ASIP: variants seen among roughly 807,000 people sequenced by gnomAD.
ASIP encodes agouti signaling protein, also known as agouti-signaling protein.
ASIP carries 11 observed loss-of-function variants against 10.3 expected under a neutral mutation model. The observed-to-expected ratio is 1.07, with a 90% CI of 0.68 to 1.78. The LOEUF is 1.78. Among genes scored for constraint, ASIP ranks in the 40% most tolerant of loss-of-function variants. The pLI is 0.00. For missense variants in ASIP, 180 were observed against 169.2 expected, an observed-to-expected ratio of 1.06 and a Z score of -0.35; for synonymous variants, 70 against 70.8, an observed-to-expected ratio of 0.99 and a Z score of 0.06.
At chr20:34,214,484 CT>C (rs2034994575) in intron 1 of ASIP, 2 of 1,508,494 alleles carry the variant, frequency 1.3e-6, no homozygotes, top group South Asian at 2.2e-5. Flanking sequence ...GAGATAGATA[CT>C]GGAAGAGCTT....
In ASIP at chr20:34,269,045, T is replaced by C; in HGVS notation, c.277T>C (p.Cys93Arg). Residue 93 changes from cysteine to arginine, a missense_variant, in exon 4 of 4, where the codon TGC becomes CGC. By Grantham distance (180) the Cys-to-Arg change is radical (BLOSUM62 -3). Coordinates refer to ENST00000374954, the MANE Select transcript of ASIP (RefSeq NM_001672.3). ...VRPRTPLSAP[C>R]VATRNSCKPP... ...GCCCCGGACCCCCCTATCTGCGCCC[T>C]GCGTGGCCACCCGCAACAGCTGCAA... 1 of 1,604,812 alleles carries C rather than the reference T, an allele frequency of 6.2e-7. No individual in the cohort carries two copies. Among genetic ancestry groups the C allele is most frequent in the Non-Finnish European group, 8.5e-7 (1 of 1,176,508 alleles).
intron 1 of ASIP, among the ~76,000 whole-genome samples, chr20:34,254,766 A>C (rs2035540683): frequency 6.6e-6 from 1 of 152,206 alleles, no homozygotes; most frequent in Non-Finnish European, 1.5e-5. Context: ...ATCTGACCCC[A>C]AGAATCCTAA....
rs2034991468 is a variant in ASIP, at chr20:34,214,034, C to T, written c.-11+19274C>T. 1.1e-5 allele frequency: 16 copies of T among 1,400,462 alleles called. No homozygotes were observed. The South Asian group carries it at 1.4e-4, about 13-fold the overall frequency. The allele number at this position is 1,400,462 out of a possible 1,614,324, so 86.8% of individuals were successfully genotyped here. On this transcript the variant is annotated intron_variant, in intron 1 of 3. Coordinates refer to the ASIP transcript ENST00000568305. Reference sequence around the variant, plus strand: ...TTCCTCATTAAGGCTTCTTTCCTTTCTGCCGGGTATTCATTATTAACAATC... The same window carrying T: ...TTCCTCATTAAGGCTTCTTTCCTTTTTGCCGGGTATTCATTATTAACAATC...
intron 1 of ASIP, among the ~76,000 whole-genome samples, chr20:34,243,539 T>C (rs1351431115): frequency 2.0e-5 from 3 of 152,118 alleles, no homozygotes; most frequent in East Asian, 3.9e-4. Flanking sequence ...TAGCTATGGA[T>C]TGAAACTGCA....
intron 1 of ASIP, among the ~76,000 whole-genome samples, chr20:34,249,337 TGA>T (rs1413236277): frequency 7.0e-6 from 1 of 143,014 alleles, no homozygotes; most frequent in Admixed American, 7.1e-5. Context: ...TCGCCTCCAC[TGA>T]GATATCCGAT....
chr20:34,268,861 T>TG, intron 3 of ASIP, 130 bp from the exon 4 acceptor site: 1 of 1,152,162 alleles, frequency 8.7e-7, no homozygotes, highest in Non-Finnish European at 1.2e-6. Flanking sequence ...GAGCGGGCGG[T>TG]GGGCGGTGGG....
upstream of ASIP, among the ~76,000 whole-genome samples, chr20:34,193,432 C>CTT (rs376572089): frequency 2.7e-5 from 4 of 146,696 alleles, no homozygotes; most frequent in Admixed American, 2.1e-4. Flanking sequence ...TTTCTTCCAT[C>CTT]TTTTTTTTTT....
chr20:34,244,091 C>T (rs141444706), intron 1 of ASIP, among the ~76,000 whole-genome samples: 2 of 152,072 alleles, frequency 1.3e-5, no homozygotes, highest in Non-Finnish European at 2.9e-5. Context: ...CAAAAAAACT[C>T]TCATTCAAGA....
intron 1 of ASIP, among the ~76,000 whole-genome samples, chr20:34,200,086 T>C (rs1441560930): frequency 6.6e-6 from 1 of 152,238 alleles, no homozygotes; most frequent in Non-Finnish European, 1.5e-5. Context: ...GCTTTTCTTT[T>C]AAGATTAGTG....
intron 2 of ASIP, among the ~76,000 whole-genome samples, chr20:34,260,845 CAAACTTCAGGA>C (rs957174262): frequency 3.3e-5 from 5 of 152,174 alleles, no homozygotes; most frequent in African/African-American, 1.2e-4. Flanking sequence ...TCAACAGTAA[CAAACTTCAGGA>C]AATGCTCCAG....
At chr20:34,192,078 G>A, upstream of ASIP, among the ~76,000 whole-genome samples, 1 of 151,036 alleles carries the variant, frequency 6.6e-6, no homozygotes, top group Non-Finnish European at 1.5e-5. Context: ...TTTCGCTCTT[G>A]TTGCCCATGG....
chr20:34,211,637 C>T (rs1375395509), intron 1 of ASIP, among the ~76,000 whole-genome samples: 1 of 152,124 alleles, frequency 6.6e-6, no homozygotes, highest in Non-Finnish European at 1.5e-5. Context: ...GTCTTTATTT[C>T]CACCTTCATT....
At chr20:34,189,213 A>G in the ASIP span, among the ~76,000 whole-genome samples, 91 of 152,266 alleles carry the variant, frequency 6.0e-4, no homozygotes, top group African/African-American at 2.2e-3. Flanking sequence ...ACTTCTGGCC[A>G]TGTGGGTAGC....
intron 1 of ASIP, among the ~76,000 whole-genome samples, chr20:34,218,954 C>G (rs1003113945): frequency 6.6e-6 from 1 of 152,160 alleles, no homozygotes; most frequent in Admixed American, 6.5e-5. Flanking sequence ...TGAGCCACCA[C>G]GCCTGGCCCC....
At chr20:34,223,316 C>G (rs1414693943) in intron 1 of ASIP, among the ~76,000 whole-genome samples, 3 of 151,070 alleles carry the variant, frequency 2.0e-5, no homozygotes, top group South Asian at 4.2e-4. Flanking sequence ...TCTGCCCGGC[C>G]GAGACCCCGT....
At chr20:34,190,651 C>T (rs1005399679), upstream of ASIP, among the ~76,000 whole-genome samples, 5 of 152,188 alleles carry the variant, frequency 3.3e-5, no homozygotes, top group African/African-American at 2.4e-5. Context: ...CCTCTTCCTT[C>T]GGAATTCTGT....
chr20:34,191,722 C>T (rs906306770), upstream of ASIP, among the ~76,000 whole-genome samples: 1 of 142,266 alleles, frequency 7.0e-6, no homozygotes, highest in Non-Finnish European at 1.5e-5. Flanking sequence ...TCCTTCCTCT[C>T]TCTCTCTCTT....
At chr20:34,201,026 T>C (rs2034893366) in intron 1 of ASIP, among the ~76,000 whole-genome samples, 1 of 92,728 alleles carries the variant, frequency 1.1e-5, no homozygotes, top group African/African-American at 6.4e-5. Flanking sequence ...CCTTCTTTCT[T>C]TCTTTCTTTC....
chr20:34,253,482 T>C (rs1021962119), intron 1 of ASIP, among the ~76,000 whole-genome samples: 4 of 150,866 alleles, frequency 2.7e-5, no homozygotes, highest in Non-Finnish European at 5.9e-5. Flanking sequence ...TTTATTTATT[T>C]ATTTTTTAGA....
Sources: allele counts gnomAD v4.1 joint callset (sites outside exome capture counted in the v4.1 genomes callset), GRCh38; gene constraint gnomAD v4.1.1; transcripts MANE v1.5; gene names NCBI Gene and HGNC (gene_info 2026-07-23, HGNC 2026-07-21).